The following C9orf43 variants were observed in gnomAD, a reference collection of about 807,000 sequenced individuals.
C9orf43 encodes uncharacterized protein C9orf43.
A neutral mutation model predicts 59.1 loss-of-function variants in C9orf43; 45 were observed. That is an observed-to-expected ratio of 0.76 (90% CI 0.60 to 0.98). The LOEUF (loss-of-function observed/expected upper bound fraction) is 0.98. Among genes scored for constraint, C9orf43 ranks in the 50% least tolerant of loss-of-function variants. C9orf43 has a pLI of 0.00. For synonymous variants in C9orf43, 203 were observed against 196.8 expected (o/e 1.03, Z -0.26); for missense variants, 533 against 554.9 (o/e 0.96, Z 0.40).
intron 5 of C9orf43, among the ~76,000 whole-genome samples, chr9:113,422,062 G>C (rs537590277): frequency 6.6e-6 from 1 of 152,256 alleles, no homozygotes; most frequent in East Asian, 1.9e-4. Flanking sequence ...GGCTACTAGA[G>C]ATCCAGCTAT....
chr9:113,410,784 A>G lies in C9orf43; in HGVS notation c.-267A>G. 3.9e-6 allele frequency: 1 copy of G among 257,284 alleles called. No individual in the cohort carries two copies. The highest frequency in any genetic ancestry group is 6.3e-6 in the Non-Finnish European group (1 of 157,640). 15.9% of individuals were successfully genotyped at this position (257,284 alleles called of 1,614,324 possible). On this transcript the variant is annotated 5_prime_UTR_variant, in exon 1 of 14. Coordinates refer to ENST00000374165, the MANE Select transcript of C9orf43 (RefSeq NM_001278629.2). ...AGGCTCTGGGCCCGCCGGGTCCGTT[A>G]ATCTCACCGCGCCGCAAGGGGCCAC...
chr9:113,413,491 G>C lies in C9orf43; in HGVS notation c.-3G>C, dbSNP rs186126933. 6.2e-4 allele frequency: 1,002 copies of C among 1,611,396 alleles called. 5 individuals are homozygous for C. The Admixed American group carries it at 8.8e-3, about 14-fold the overall frequency. On this transcript the variant is annotated 5_prime_UTR_variant, in exon 2 of 14. Transcript: ENST00000374165. ...TGGCCTTTGGCCTAAACCATTTCTA[G>C]CTATGGACTTGCCAGATGAGAGCCA...
rs776857944 is a variant in C9orf43, at chr9:113,424,258, G to A, written c.749G>A (p.Arg250Gln). 9 of 1,613,970 alleles carry A rather than the reference G, an allele frequency of 5.6e-6. No individual in the cohort carries two copies. The highest frequency in any genetic ancestry group is 1.7e-4 in the Middle Eastern group (1 of 6,060). ...AAGAATCTTCCCTTGGAAAAGAACC[G>A]ACCTGACAGTGTGATTTCTTCTAAG... ...MKKNLPLEKN[R>Q]PDSVISSKMF... Residue 250 changes from arginine (R) to glutamine (Q), a missense_variant, in exon 8 of 14, where the codon CGA becomes CAA. Physicochemically the swap from Arg to Gln is conservative, Grantham distance 43. Coordinates refer to ENST00000374165, the MANE Select transcript of C9orf43 (RefSeq NM_001278629.2).
chr9:113,419,253 T>A, intron 4 of C9orf43, 88 bp downstream of exon 4: 1 of 1,012,320 alleles, frequency 9.9e-7, no homozygotes, highest in Non-Finnish European at 1.5e-6. Flanking sequence ...AAATTATTCC[T>A]CAGGAGGACT....
chr9:113,411,689 A>G (rs1385360715), intron 1 of C9orf43, among the ~76,000 whole-genome samples: 1 of 150,766 alleles, frequency 6.6e-6, no homozygotes, highest in African/African-American at 2.4e-5. Flanking sequence ...TTTAATTTTT[A>G]AAATTTCTTG....
At chr9:113,416,022 C>T (rs771977353) in intron 3 of C9orf43, among the ~76,000 whole-genome samples, 4 of 152,196 alleles carry the variant, frequency 2.6e-5, no homozygotes, top group East Asian at 3.8e-4. Context: ...CTGCCATGCC[C>T]GCCATGTATA....
In C9orf43 at chr9:113,429,216, G is replaced by C; in HGVS notation, c.1216G>C (p.Ala406Pro). 1 of 1,614,176 alleles carries C rather than the reference G, an allele frequency of 6.2e-7. No homozygotes were observed. The highest frequency in any genetic ancestry group is 8.5e-7 in the Non-Finnish European group (1 of 1,180,046). ...ETEPTNKDIS[A>P]PVDAVPEAQA... ...AGAACCCACTAACAAGGACATTAGT[G>C]CTCCAGTGGACGCTGTGCCAGAAGC... Residue 406 changes from alanine (A) to proline (P), a missense_variant, in exon 14 of 14, where the codon GCT becomes CCT. Coordinates refer to ENST00000374165, the MANE Select transcript of C9orf43 (RefSeq NM_001278629.2).
chr9:113,413,707 C>T lies in C9orf43; in HGVS notation c.152-52C>T, dbSNP rs1828255959. On this transcript the variant is annotated intron_variant, in intron 2 of 13. Coordinates refer to ENST00000374165, the MANE Select transcript of C9orf43 (RefSeq NM_001278629.2). ...CCTTAACGTATTTATGTATGTGGCT[C>T]CCTTTCTCCAGGCAGCAGGTTAACA... 4 of 1,611,174 alleles carry T rather than the reference C, an allele frequency of 2.5e-6. No individual in the cohort carries two copies. In the Admixed American group the frequency reaches 5.0e-5, roughly 20 times the overall value.
In C9orf43 at chr9:113,415,370, C is replaced by T. The variant is rs988331917; in HGVS notation, c.287+1476C>T. On this transcript the variant is annotated intron_variant, in intron 3 of 13. Coordinates refer to ENST00000374165, the MANE Select transcript of C9orf43 (RefSeq NM_001278629.2). Reference sequence around the variant, plus strand: ...TGTTTGCCCAGGCTGGTCTTGAACTCGTGAGCTGAAATGAATTGTGTGCTT... The same window carrying T: ...TGTTTGCCCAGGCTGGTCTTGAACTTGTGAGCTGAAATGAATTGTGTGCTT... 5.3e-5 allele frequency among the ~76,000 whole-genome samples: 8 copies of T among 152,158 alleles called. No individual in the cohort carries two copies. The South Asian group carries it at 8.3e-4, about 16-fold the overall frequency.
intron 7 of C9orf43, 46 bp from the exon 8 acceptor site, chr9:113,424,120 G>A (rs762416045): frequency 1.7e-5 from 26 of 1,535,498 alleles, no homozygotes; most frequent in Admixed American, 4.4e-5. Context: ...CATGCTTTCC[G>A]GGAAGAGCTG....
In C9orf43 at chr9:113,410,986, C is replaced by G. The variant is rs552037907; in HGVS notation, c.-65C>G. On this transcript the variant is annotated 5_prime_UTR_variant, in exon 1 of 14. Transcript: ENST00000374165. ...TCATTTTTAATCTTTTCGCCCCTCA[C>G]GCTTTTGTAATAATGGTACTAAGAC... is the stretch of plus-strand genomic sequence containing the variant. 3.8e-4 allele frequency: 375 copies of G among 986,006 alleles called. No homozygotes were observed. The highest frequency in any genetic ancestry group is 4.3e-4 in the Non-Finnish European group (354 of 830,390). 61.1% of individuals were successfully genotyped at this position (986,006 alleles called of 1,614,324 possible).
chr9:113,425,999 G>A lies in C9orf43; in HGVS notation c.1030+269G>A, dbSNP rs80299088. ...TGAATCCCAGTCATCTTTTCCTCAG[G>A]TTCTACCTTAGAAAAGGCAGAGCAC... On this transcript the variant is annotated intron_variant, in intron 11 of 13. Transcript: ENST00000374165. 1.6e-3 allele frequency among the ~76,000 whole-genome samples: 250 copies of A among 152,250 alleles called. 2 individuals carry two copies. Among genetic ancestry groups the A allele is most frequent in the African/African-American group, 5.5e-3 (230 of 41,540 alleles).
In C9orf43 at chr9:113,425,317, G is replaced by C. The variant is rs368905435; in HGVS notation, c.866-27G>C. Reference sequence around the variant, plus strand: ...TGGGAGAGAGGGGGCTGTTAGAAGAGGATCAAGCTGGCTCTCTGGTCACCA... The same window carrying C: ...TGGGAGAGAGGGGGCTGTTAGAAGACGATCAAGCTGGCTCTCTGGTCACCA... On this transcript the variant is annotated intron_variant, in intron 9 of 13. Transcript: ENST00000374165. The C allele has an allele frequency of 7.4e-6, 12 of 1,613,330 alleles. No individual in the cohort carries two copies. The African/African-American group carries it at 1.5e-4, about 20-fold the overall frequency.
rs1277905084 is a variant in C9orf43, at chr9:113,413,781, G to T, written c.174G>T (p.Val58=). 3.7e-6 allele frequency: 6 copies of T among 1,613,926 alleles called. No individual in the cohort carries two copies. In the African/African-American group the frequency reaches 8.0e-5, roughly 22 times the overall value. ...DAEDKLPVLT[V]VDILDSGFAA... The stretch of plus-strand genomic sequence containing the variant: ...TAGATAAACTCCCAGTGCTCACCGT[G>T]GTAGACATCTTAGATTCCGGCTTTG... The change falls in exon 3 of 14, where the codon GTG becomes GTT. Residue 58 remains valine (V), a synonymous_variant. Coordinates refer to ENST00000374165, the MANE Select transcript of C9orf43 (RefSeq NM_001278629.2).
chr9:113,413,598 TC>T lies in C9orf43; in HGVS notation c.107del (p.Pro36LeufsTer24), dbSNP rs772989087. ...ATIRRIERGH[P>X]RILGSSCKTP... Reference sequence around the variant, plus strand: ...CTATCCGCCGCATTGAGAGGGGCCATCCTCGAATCCTCGGCTCATCCTGCAA... The same window carrying T: ...CTATCCGCCGCATTGAGAGGGGCCATCTCGAATCCTCGGCTCATCCTGCAA... On this transcript the variant is annotated frameshift_variant, in exon 2 of 14. Coordinates refer to ENST00000374165, the MANE Select transcript of C9orf43 (RefSeq NM_001278629.2). LOFTEE classifies it high-confidence loss of function. 6.2e-7 allele frequency: 1 copy of T among 1,614,110 alleles called. No individual in the cohort carries two copies. Among genetic ancestry groups the T allele is most frequent in the Admixed American group, 1.7e-5 (1 of 60,008 alleles).
rs758911831 is a variant in C9orf43 at position 113,425,604 on chromosome 9, C to G, written c.943-39C>G. ...CTTTTGAAAAAAGTTTTCTTTACTTCCAAAAATCCTAATTTGTTCCTCCTG... is the reference window on the plus strand; with the variant it reads ...CTTTTGAAAAAAGTTTTCTTTACTTGCAAAAATCCTAATTTGTTCCTCCTG... On this transcript the variant is annotated intron_variant, in intron 10 of 13. Coordinates refer to ENST00000374165, the MANE Select transcript of C9orf43 (RefSeq NM_001278629.2). 3.1e-6 allele frequency: 5 copies of G among 1,591,812 alleles called. No homozygotes were observed. The East Asian group carries it at 1.1e-4, about 36-fold the overall frequency.
intron 3 of C9orf43, among the ~76,000 whole-genome samples, chr9:113,414,781 A>G (rs983832085): frequency 1.1e-4 from 16 of 152,204 alleles, no homozygotes; most frequent in African/African-American, 3.6e-4. Flanking sequence ...GAATTTTGGG[A>G]GGACACAATT....
intron 4 of C9orf43, 89 bp downstream of exon 4, chr9:113,419,254 C>T: frequency 3.0e-6 from 3 of 1,011,358 alleles, no homozygotes; most frequent in Non-Finnish European, 4.5e-6. Context: ...AATTATTCCT[C>T]AGGAGGACTA....
Position 113,425,750 on chromosome 9 carries a change from G to A in C9orf43, c.1030+20G>A. 6.3e-7 allele frequency: 1 copy of A among 1,590,744 alleles called. No individual in the cohort carries two copies. The highest frequency in any genetic ancestry group is 1.1e-5 in the South Asian group (1 of 90,578). ...TCTATGGTAAGGGGAATATATGCTT[G>A]GTTGGGGGTGATAGGATCCCTGAGG... On this transcript the variant is annotated intron_variant, in intron 11 of 13. Coordinates refer to ENST00000374165, the MANE Select transcript of C9orf43 (RefSeq NM_001278629.2).
Sources: allele counts gnomAD v4.1 joint callset (sites outside exome capture counted in the v4.1 genomes callset), GRCh38; gene constraint gnomAD v4.1.1; transcripts MANE v1.5; gene names NCBI Gene and HGNC (gene_info 2026-07-23, HGNC 2026-07-21).